The following SLC12A7 variants were observed in gnomAD, a reference collection of about 807,000 sequenced individuals.
The protein encoded by SLC12A7 is K-Cl cotransporter 4.
In SLC12A7, 100 loss-of-function variants were observed where a neutral mutation model predicts 120.6. That is an observed-to-expected ratio of 0.83 (90% CI 0.71 to 0.98). The LOEUF (loss-of-function observed/expected upper bound fraction) is 0.98, where lower values mean the gene tolerates loss of function less well. Among genes scored for constraint, SLC12A7 ranks in the 50% least tolerant of loss-of-function variants. SLC12A7 has a pLI of 0.00. For missense variants in SLC12A7, 1,373 were observed against 1,548.1 expected, an observed-to-expected ratio of 0.89 and a Z score of 1.90; for synonymous variants, 760 against 678.0, an observed-to-expected ratio of 1.12 and a Z score of -1.88.
chr5:1,079,355 C>G (rs1353331919), intron 10 of SLC12A7, 43 bp downstream of exon 10: 13 of 1,505,368 alleles, frequency 8.6e-6, no homozygotes, highest in African/African-American at 2.8e-5. Context: ...GGCCTCCCCC[C>G]AGGCAGAGGC....
the SLC12A7 span, among the ~76,000 whole-genome samples, chr5:1,125,118 A>C: frequency 6.6e-6 from 1 of 152,214 alleles, no homozygotes; most frequent in Non-Finnish European, 1.5e-5. Flanking sequence ...CACAGGGTTG[A>C]GAGAGGAGCT....
At chr5:1,076,651 GC>G in intron 13 of SLC12A7, 42 bp downstream of exon 13, 2 of 1,459,928 alleles carry the variant, frequency 1.4e-6, no homozygotes, top group South Asian at 1.1e-5. Context: ...CACGCTCCAG[GC>G]CCATACACCC....
the SLC12A7 span, among the ~76,000 whole-genome samples, chr5:1,140,012 C>G: frequency 6.6e-6 from 1 of 152,186 alleles, no homozygotes; most frequent in African/African-American, 2.4e-5. Context: ...AGGACACGCC[C>G]GGCCTGCACC....
the SLC12A7 span, among the ~76,000 whole-genome samples, chr5:1,149,008 C>A: frequency 6.6e-6 from 1 of 151,838 alleles, no homozygotes; most frequent in Non-Finnish European, 1.5e-5. Flanking sequence ...ATCCGTTCAT[C>A]CACCCACGGA....
At chr5:1,085,596 G>A (rs925555128) in intron 6 of SLC12A7, 123 bp from the exon 7 acceptor site, 38 of 1,371,768 alleles carry the variant, frequency 2.8e-5, no homozygotes, top group African/African-American at 7.2e-5. Context: ...CCATCGGGAC[G>A]CATCCGTGCT....
At chr5:1,120,855 G>A in the SLC12A7 span, among the ~76,000 whole-genome samples, 2 of 152,234 alleles carry the variant, frequency 1.3e-5, no homozygotes, top group Non-Finnish European at 2.9e-5. Flanking sequence ...AGCACAGACG[G>A]CAGTCCCTGT....
chr5:1,117,420 A>G, the SLC12A7 span, among the ~76,000 whole-genome samples: 1 of 152,150 alleles, frequency 6.6e-6, no homozygotes, highest in Non-Finnish European at 1.5e-5. The surrounding 1 kb of genome is among the most constrained non-coding windows in gnomAD (Gnocchi z 4.5). Flanking sequence ...AACTTAGTTT[A>G]TAGTTAAAAT....
chr5:1,079,823 G>A (rs891247092), intron 9 of SLC12A7, among the ~76,000 whole-genome samples: 7 of 152,114 alleles, frequency 4.6e-5, no homozygotes, highest in Admixed American at 1.3e-4. Context: ...GCCCAGAGAC[G>A]GTGCTGAGCA....
At chr5:1,104,274 G>A (rs1211751687) in intron 1 of SLC12A7, among the ~76,000 whole-genome samples, 9 of 152,236 alleles carry the variant, frequency 5.9e-5, no homozygotes, top group Non-Finnish European at 1.0e-4. Flanking sequence ...CCACCCTCGT[G>A]ACAGGCTGGC....
chr5:1,133,238 GT>G, the SLC12A7 span, among the ~76,000 whole-genome samples: 2 of 152,184 alleles, frequency 1.3e-5, no homozygotes, highest in Non-Finnish European at 2.9e-5. Flanking sequence ...AATTATTTGT[GT>G]TAGTTTGAAA....
At chr5:1,076,281 T>C (rs532437102) in intron 13 of SLC12A7, 45 bp from the exon 14 acceptor site, 5 of 1,517,264 alleles carry the variant, frequency 3.3e-6, no homozygotes, top group Middle Eastern at 3.4e-4. Context: ...TGGGCCCCCC[T>C]GAGCCCCCAG....
intron 3 of SLC12A7, among the ~76,000 whole-genome samples, chr5:1,090,404 C>T (rs1274719340): frequency 4.6e-5 from 7 of 152,112 alleles, no homozygotes; most frequent in African/African-American, 9.7e-5. Flanking sequence ...AACAGGGGAG[C>T]GACTTGCTTC....
intron 18 of SLC12A7, 45 bp from the exon 19 acceptor site, chr5:1,064,297 G>A: frequency 1.3e-6 from 2 of 1,575,618 alleles, no homozygotes; most frequent in South Asian, 1.2e-5. Context: ...AGGCCAGGGT[G>A]CGGAAGGGGC....
At chr5:1,075,942 C>G (rs1460744446) in intron 14 of SLC12A7, 196 bp downstream of exon 14, 1 of 574,744 alleles carries the variant, frequency 1.7e-6, no homozygotes, top group East Asian at 2.8e-5. Context: ...TCATCAGCTG[C>G]GCAGGGGCTT....
At chr5:1,143,798 C>G in the SLC12A7 span, among the ~76,000 whole-genome samples, 2 of 152,186 alleles carry the variant, frequency 1.3e-5, no homozygotes. Flanking sequence ...GTGGCTGCAC[C>G]GGGGCCAGCA....
chr5:1,126,085 TTA>T, the SLC12A7 span, among the ~76,000 whole-genome samples: 1 of 152,080 alleles, frequency 6.6e-6, no homozygotes, highest in African/African-American at 2.4e-5. Context: ...TCTATTCTTT[TTA>T]TTTTATTTTA....
intron 1 of SLC12A7, among the ~76,000 whole-genome samples, chr5:1,094,619 G>T (rs772417351): frequency 6.6e-6 from 1 of 152,220 alleles, no homozygotes; most frequent in African/African-American, 2.4e-5. Flanking sequence ...CAAGTGAGCT[G>T]TTCAGCCCAG....
the SLC12A7 span, among the ~76,000 whole-genome samples, chr5:1,153,347 T>C: frequency 1.3e-5 from 2 of 152,236 alleles, no homozygotes; most frequent in Non-Finnish European, 2.9e-5. Flanking sequence ...CCTCCCTCCA[T>C]GCCCACATGA....
intron 17 of SLC12A7, among the ~76,000 whole-genome samples, chr5:1,067,934 G>A (rs1296777644): frequency 6.6e-6 from 1 of 152,178 alleles, no homozygotes; most frequent in Non-Finnish European, 1.5e-5. Context: ...GCACCTGCCC[G>A]GCGCAGCAGT....
Sources: allele counts gnomAD v4.1 joint callset (sites outside exome capture counted in the v4.1 genomes callset), GRCh38; gene constraint gnomAD v4.1.1; non-coding constraint Gnocchi (gnomAD v3.1); transcripts MANE v1.5; gene names NCBI Gene and HGNC (gene_info 2026-07-23, HGNC 2026-07-21).